PDE4B: variants seen among roughly 807,000 people sequenced by gnomAD.
PDE4B encodes the protein 3',5'-cyclic-AMP phosphodiesterase 4B.
Under a neutral mutation model 82.2 loss-of-function variants are expected in PDE4B, and 20 were observed. The ratio of observed to expected loss-of-function variants is 0.24; its 90% confidence interval spans 0.17 to 0.35. The LOEUF is 0.35. Ranked by LOEUF, PDE4B falls within the 10% of genes least tolerant of loss-of-function variation. PDE4B has a pLI of 1.00. For missense variants in PDE4B, 655 were observed against 907.2 expected, an observed-to-expected ratio of 0.72 and a Z score of 3.57; for synonymous variants, 320 against 318.9, an observed-to-expected ratio of 1.00 and a Z score of -0.04.
At chr1:65,876,441 C>T (rs1369117476) in intron 1 of PDE4B, among the ~76,000 whole-genome samples, 1 of 151,942 alleles carries the variant, frequency 6.6e-6, no homozygotes, top group Non-Finnish European at 1.5e-5. Context: ...ATTACATGTA[C>T]ATACATACAT....
intron 3 of PDE4B, among the ~76,000 whole-genome samples, chr1:66,148,883 A>G (rs558842633): frequency 6.6e-6 from 1 of 152,232 alleles, no homozygotes; most frequent in South Asian, 2.1e-4. Flanking sequence ...TGGCTACACC[A>G]TATTTTGTTT....
At chr1:65,863,007 T>G (rs1359436124) in intron 1 of PDE4B, among the ~76,000 whole-genome samples, 1 of 152,144 alleles carries the variant, frequency 6.6e-6, no homozygotes, top group Non-Finnish European at 1.5e-5. Context: ...GCTCCTGGAT[T>G]CATTGATTTT....
chr1:66,247,419 A>G (rs764213762), intron 3 of PDE4B, 41 bp from the exon 4 acceptor site: 50 of 1,423,232 alleles, frequency 3.5e-5, no homozygotes, highest in Non-Finnish European at 4.5e-5. Context: ...GTCCTCCTCC[A>G]TGGTTATCAT....
chr1:66,356,396 T>C (rs932667389), intron 9 of PDE4B, among the ~76,000 whole-genome samples: 2 of 152,258 alleles, frequency 1.3e-5, no homozygotes, highest in African/African-American at 4.8e-5. Context: ...CGAACCTATT[T>C]GGACTATTTT....
intron 3 of PDE4B, among the ~76,000 whole-genome samples, chr1:66,109,569 A>G (rs1311069701): frequency 1.3e-5 from 2 of 151,896 alleles, no homozygotes; most frequent in Non-Finnish European, 2.9e-5. Context: ...GCATTTGTTA[A>G]TTTCATATAT....
intron 3 of PDE4B, among the ~76,000 whole-genome samples, chr1:66,142,128 G>A (rs908184153): frequency 2.0e-5 from 3 of 152,020 alleles, no homozygotes; most frequent in African/African-American, 7.3e-5. Context: ...AGTGGAAAAG[G>A]GTCATCATAA....
In PDE4B at chr1:66,242,001, C is replaced by A. The variant is rs573974209; in HGVS notation, c.282-5459C>A. Among the ~76,000 whole-genome samples the A allele has an allele frequency of 3.9e-5, 6 of 152,274 alleles. No homozygotes were observed. In the South Asian group the frequency reaches 1.2e-3, roughly 32 times the overall value. On this transcript the variant is annotated intron_variant, in intron 3 of 16. Coordinates refer to ENST00000341517, the MANE Select transcript of PDE4B (RefSeq NM_002600.4). ...TTTTGGTGTGATACTCAGCTCTAGG[C>A]CCTGGGACTACAAAACTAAATGAAG...
intron 1 of PDE4B, among the ~76,000 whole-genome samples, chr1:65,882,571 A>G (rs1314035484): frequency 6.6e-6 from 1 of 152,184 alleles, no homozygotes; most frequent in African/African-American, 2.4e-5. Context: ...GCAGTCAATA[A>G]CCATTATTAA....
intron 7 of PDE4B, among the ~76,000 whole-genome samples, chr1:66,329,850 A>G (rs1288736228): frequency 6.6e-6 from 1 of 152,198 alleles, no homozygotes; most frequent in Non-Finnish European, 1.5e-5. Flanking sequence ...TTTTTTTCAC[A>G]GTGCTACAGA....
chr1:66,307,965 AT>A (rs1658403045), intron 7 of PDE4B, among the ~76,000 whole-genome samples: 1 of 152,136 alleles, frequency 6.6e-6, no homozygotes, highest in South Asian at 2.1e-4. Flanking sequence ...TGTTGCACAC[AT>A]TATTTTTTTA....
chr1:66,011,047 C>T (rs535925195), intron 3 of PDE4B, among the ~76,000 whole-genome samples: 5 of 151,626 alleles, frequency 3.3e-5, no homozygotes, highest in African/African-American at 1.2e-4. Context: ...ATTTTTTTCA[C>T]TCATCAGAAT....
chr1:66,219,721 AAC>A (rs922631659), intron 3 of PDE4B, among the ~76,000 whole-genome samples: 26 of 152,174 alleles, frequency 1.7e-4, no homozygotes, highest in African/African-American at 6.3e-4. Flanking sequence ...CTTCAGATCA[AAC>A]ACTGTCAAGA....
chr1:66,088,179 G>GA (rs144705126), intron 3 of PDE4B, among the ~76,000 whole-genome samples: 9,734 of 151,942 alleles, frequency 0.064, 782 homozygotes, highest in East Asian at 0.38. Flanking sequence ...GAGGGGTGGG[G>GA]AGGACACAGT....
At chr1:66,142,664 GT>G (rs1429775341) in intron 3 of PDE4B, among the ~76,000 whole-genome samples, 1 of 152,176 alleles carries the variant, frequency 6.6e-6, no homozygotes, top group Non-Finnish European at 1.5e-5. Flanking sequence ...AAATAAAGTT[GT>G]TGTGTGTTAC....
At chr1:66,349,694 G>A (rs1276352587) in intron 8 of PDE4B, among the ~76,000 whole-genome samples, 2 of 152,138 alleles carry the variant, frequency 1.3e-5, no homozygotes, top group Non-Finnish European at 2.9e-5. Flanking sequence ...GATTGGTAGA[G>A]TTTATAGGGA....
chr1:66,116,918 C>A (rs1038110653), intron 3 of PDE4B, among the ~76,000 whole-genome samples: 1 of 152,052 alleles, frequency 6.6e-6, no homozygotes, highest in African/African-American at 2.4e-5. Context: ...CAGCTACAGC[C>A]CCAGGATGTC....
intron 3 of PDE4B, among the ~76,000 whole-genome samples, chr1:65,989,950 A>G (rs979394661): frequency 5.4e-5 from 8 of 149,106 alleles, no homozygotes; most frequent in African/African-American, 1.7e-4. Context: ...CTTGCCTTAA[A>G]CATTTTTTTT....
chr1:65,928,644 G>A (rs578222636), intron 3 of PDE4B, among the ~76,000 whole-genome samples: 3 of 152,202 alleles, frequency 2.0e-5, no homozygotes, highest in Middle Eastern at 3.4e-3. Flanking sequence ...TGCCACCCTC[G>A]CAAATCTATT....
chr1:66,212,471 C>T (rs1410358091), intron 3 of PDE4B, among the ~76,000 whole-genome samples: 2 of 152,206 alleles, frequency 1.3e-5, no homozygotes, highest in Non-Finnish European at 1.5e-5. Flanking sequence ...TTGAATCTCA[C>T]ATTCTCCAGG....
Sources: gnomAD v4.1 joint callset for allele counts (sites outside exome capture counted in the v4.1 genomes callset) on GRCh38, gnomAD v4.1.1 for gene constraint, MANE v1.5 for transcripts, NCBI Gene and HGNC (gene_info 2026-07-23, HGNC 2026-07-21) for gene names.